Variants in GALNT18 observed in about 807,000 individuals in gnomAD.
The protein encoded by GALNT18 is GalNAc-transferase 18.
Under a neutral mutation model 69.5 loss-of-function variants are expected in GALNT18, and 44 were observed. The ratio of observed to expected loss-of-function variants is 0.63; its 90% CI spans 0.50 to 0.81. The LOEUF (loss-of-function observed/expected upper bound fraction) is 0.81, where lower values mean the gene tolerates loss of function less well. Ranked by LOEUF, GALNT18 falls within the 40% of genes least tolerant of loss-of-function variation. GALNT18 has a pLI of 0.00. For missense variants in GALNT18, 715 were observed against 810.0 expected (o/e 0.88, Z 1.42); for synonymous variants, 364 against 318.2 (o/e 1.14, Z -1.53).
chr11:11,566,358 G>C (rs1044844057), intron 1 of GALNT18, among the ~76,000 whole-genome samples: 2 of 152,214 alleles, frequency 1.3e-5, no homozygotes, highest in African/African-American at 4.8e-5. Flanking sequence ...CAGTGAGCAG[G>C]ATTTGGCCCA....
rs1017197073 is a variant in GALNT18, at chr11:11,463,880, G to A, written c.236-14944C>T. The stretch of plus-strand genomic sequence containing the variant: ...ATTATGAATGCAGTATGTGTCCGGC[G>A]GAATGTGTGCAAAAACCGTCATGCT... On this transcript the variant is annotated intron_variant, in intron 1 of 10. Coordinates refer to ENST00000227756, the MANE Select transcript of GALNT18 (RefSeq NM_198516.3). This position sits in a 1 kb window ranked among gnomAD's most constrained non-coding sequence, Gnocchi z 4.2. Among the ~76,000 whole-genome samples, 6 of 152,160 alleles carry A rather than the reference G, an allele frequency of 3.9e-5. No individual in the cohort carries two copies. Among genetic ancestry groups the A allele is most frequent in the African/African-American group, 9.7e-5 (4 of 41,440 alleles).
rs1304343385 is a variant in GALNT18, at chr11:11,337,889, T to C, written c.1278+2930A>G. On this transcript the variant is annotated intron_variant, in intron 7 of 10. Transcript: ENST00000227756. This position sits in a 1 kb window ranked among gnomAD's most constrained non-coding sequence, Gnocchi z 4.9. ...TAAAATACAGGCAGAGGAGAAAGCA[T>C]GGGAACTTTTGATGCCATGCCAAAC... Among the ~76,000 whole-genome samples the C allele has an allele frequency of 6.6e-6, 1 of 151,544 alleles. No individual in the cohort carries two copies. Among genetic ancestry groups the C allele is most frequent in the East Asian group, 1.9e-4 (1 of 5,136 alleles).
At chr11:11,280,633 G>C (rs1273590400) in intron 10 of GALNT18, among the ~76,000 whole-genome samples, 2 of 152,124 alleles carry the variant, frequency 1.3e-5, no homozygotes, top group Admixed American at 1.3e-4. Context: ...TTCCTGGTGG[G>C]ACAATTTTGT....
In GALNT18 at chr11:11,562,123, G is replaced by C. The variant is rs1858526366; in HGVS notation, c.235+59236C>G. 6.6e-6 allele frequency among the ~76,000 whole-genome samples: 1 copy of C among 152,226 alleles called. No homozygotes were observed. The highest frequency in any genetic ancestry group is 2.1e-4 in the South Asian group (1 of 4,836). On this transcript the variant is annotated intron_variant, in intron 1 of 10. Coordinates refer to ENST00000227756, the MANE Select transcript of GALNT18 (RefSeq NM_198516.3). This position sits in a 1 kb window ranked among gnomAD's most constrained non-coding sequence, Gnocchi z 4.1. Reference sequence around the variant, plus strand: ...AGTGCTGTCCTAACTAAGTAGCACAGACTGGGTGCCTTCAACAACAGATAT... The same window carrying C: ...AGTGCTGTCCTAACTAAGTAGCACACACTGGGTGCCTTCAACAACAGATAT...
In GALNT18 at chr11:11,404,920, C is replaced by T. The variant is rs1447068784; in HGVS notation, c.596-25656G>A. Among the ~76,000 whole-genome samples the T allele has an allele frequency of 6.6e-6, 1 of 152,152 alleles. No homozygotes were observed. Among genetic ancestry groups the T allele is most frequent in the African/African-American group, 2.4e-5 (1 of 41,436 alleles). On this transcript the variant is annotated intron_variant, in intron 3 of 10. Transcript: ENST00000227756. This position sits in a 1 kb window ranked among gnomAD's most constrained non-coding sequence, Gnocchi z 4.5. ...ATGGCCACCCAGGCCAATCATGTTT[C>T]CTAGAGCAGAGCATGAAAGGGGTCC...
rs946391528 is a variant in GALNT18 at position 11,521,156 on chromosome 11, T to C, written c.236-72220A>G. On this transcript the variant is annotated intron_variant, in intron 1 of 10. Coordinates refer to ENST00000227756, the MANE Select transcript of GALNT18 (RefSeq NM_198516.3). ...TTTCCACCCAAGGCCCACCACCTCC[T>C]GGCTCTCTTTTGTGCCCCATAATGA... is the stretch of plus-strand genomic sequence containing the variant. Among the ~76,000 whole-genome samples, 17 of 151,990 alleles carry C rather than the reference T, an allele frequency of 1.1e-4. No individual in the cohort carries two copies. The East Asian group carries it at 2.1e-3, about 19-fold the overall frequency.
chr11:11,395,392 G>A lies in GALNT18; in HGVS notation c.596-16128C>T, dbSNP rs536625566. Reference sequence around the variant, plus strand: ...CACTGTGTGGCAGGGCCTGTGCTTCGTCTGCATCAGCTCATTTAATCTGCA... The same window carrying A: ...CACTGTGTGGCAGGGCCTGTGCTTCATCTGCATCAGCTCATTTAATCTGCA... On this transcript the variant is annotated intron_variant, in intron 3 of 10. Coordinates refer to ENST00000227756, the MANE Select transcript of GALNT18 (RefSeq NM_198516.3). Among the ~76,000 whole-genome samples the A allele has an allele frequency of 7.2e-5, 11 of 152,332 alleles. No homozygotes were observed. The South Asian group carries it at 8.3e-4, about 11-fold the overall frequency.
intron 10 of GALNT18, among the ~76,000 whole-genome samples, chr11:11,288,582 A>C (rs1471265413): frequency 3.3e-5 from 5 of 151,994 alleles, no homozygotes; most frequent in Non-Finnish European, 7.4e-5. Context: ...CTCCTGTCCA[A>C]CCCCCATGCT....
intron 3 of GALNT18, among the ~76,000 whole-genome samples, chr11:11,425,452 A>G (rs939972567): frequency 3.9e-5 from 6 of 152,234 alleles, no homozygotes; most frequent in Non-Finnish European, 8.8e-5. Flanking sequence ...TGGGATTCTT[A>G]AAAGAATATT....
At chr11:11,408,024 G>A (rs563362551) in intron 3 of GALNT18, among the ~76,000 whole-genome samples, 1 of 152,324 alleles carries the variant, frequency 6.6e-6, no homozygotes, top group African/African-American at 2.4e-5. Flanking sequence ...GAGCTGCCCA[G>A]AGAGAGAAAT....
intron 1 of GALNT18, among the ~76,000 whole-genome samples, chr11:11,472,499 C>T: frequency 6.6e-6 from 1 of 152,178 alleles, no homozygotes; most frequent in East Asian, 1.9e-4. Flanking sequence ...GGCTGTGCAA[C>T]TGATGATGAT....
intron 1 of GALNT18, among the ~76,000 whole-genome samples, chr11:11,464,230 G>T (rs148722787): frequency 3.3e-5 from 5 of 152,314 alleles, no homozygotes; most frequent in African/African-American, 7.2e-5. Context: ...ATGAGTTTTT[G>T]CTCCACAAAT....
At chr11:11,462,438 G>A (rs911915473) in intron 1 of GALNT18, among the ~76,000 whole-genome samples, 3 of 151,750 alleles carry the variant, frequency 2.0e-5, no homozygotes, top group Non-Finnish European at 4.4e-5. Flanking sequence ...CACCACACCC[G>A]GCTAATTTTT....
rs1850211430 is a variant in GALNT18, at chr11:11,341,737, T to G, written c.1093-733A>C. ...CAATGTTCCTGAACTTGCACTCTTT[T>G]GTGCTTCTAGGCTTTGCTCCATTCT... is the stretch of plus-strand genomic sequence containing the variant. On this transcript the variant is annotated intron_variant, in intron 6 of 10. Coordinates refer to ENST00000227756, the MANE Select transcript of GALNT18 (RefSeq NM_198516.3). The surrounding 1 kb of genome is among the most constrained non-coding windows in gnomAD (Gnocchi z 6.3). 6.6e-6 allele frequency among the ~76,000 whole-genome samples: 1 copy of G among 152,196 alleles called. No individual in the cohort carries two copies. Among genetic ancestry groups the G allele is most frequent in the African/African-American group, 2.4e-5 (1 of 41,436 alleles).
At position 11,332,558 on chromosome 11, in the gene GALNT18, A is replaced by G; in HGVS notation, c.1416+136T>C. On this transcript the variant is annotated intron_variant, in intron 8 of 10. Transcript: ENST00000227756. This position sits in a 1 kb window ranked among gnomAD's most constrained non-coding sequence, Gnocchi z 4.3. ...GTAAAGGCTGTCTTGCAGGTGCAGA[A>G]CCCAGCGCCCGGTCCCCAGGCCTAC... The G allele has an allele frequency of 1.1e-6, 1 of 937,864 alleles. No individual in the cohort carries two copies. 58.1% of individuals were successfully genotyped at this position (937,864 alleles called of 1,614,324 possible).
intron 1 of GALNT18, chr11:11,475,620 C>A (rs902232581): frequency 6.6e-6 from 1 of 152,232 alleles, no homozygotes; most frequent in African/African-American, 2.4e-5. Context: ...GCTCACTTAA[C>A]AATGCTAAGT....
intron 3 of GALNT18, among the ~76,000 whole-genome samples, chr11:11,408,760 G>A (rs368837649): frequency 4.8e-4 from 73 of 152,260 alleles, no homozygotes; most frequent in East Asian, 1.9e-3. Context: ...TTTCCATGGC[G>A]TCTGGAGCCT....
intron 7 of GALNT18, among the ~76,000 whole-genome samples, chr11:11,333,338 C>G (rs1850052020): frequency 6.6e-6 from 1 of 152,132 alleles, no homozygotes; most frequent in East Asian, 1.9e-4. Flanking sequence ...CTGAATGAGA[C>G]ATGCAATATA....
At chr11:11,514,361 C>T (rs992518748) in intron 1 of GALNT18, among the ~76,000 whole-genome samples, 3 of 152,224 alleles carry the variant, frequency 2.0e-5, no homozygotes, top group African/African-American at 7.2e-5. Flanking sequence ...CTTTCCTTTA[C>T]ACAGCAGAAT....
Sources: gnomAD v4.1 joint callset for allele counts (sites outside exome capture counted in the v4.1 genomes callset) on GRCh38, gnomAD v4.1.1 for gene constraint, Gnocchi (gnomAD v3.1) non-coding constraint, MANE v1.5 for transcripts, NCBI Gene and HGNC (gene_info 2026-07-23, HGNC 2026-07-21) for gene names.